Variants in PRPS1 observed in about 807,000 individuals in gnomAD.
PRPS1 encodes the protein ribose-phosphate pyrophosphokinase 1.
In PRPS1, 1 loss-of-function variant was observed where a neutral mutation model predicts 16.9. The observed-to-expected ratio is 0.06, with a 90% CI of 0.02 to 0.28. The LOEUF (loss-of-function observed/expected upper bound fraction) is 0.28, where lower values mean the gene tolerates loss of function less well. Among genes scored for constraint, PRPS1 ranks in the 10% least tolerant of loss-of-function variants. The pLI is 1.00. For missense variants in PRPS1, 47 were observed against 254.0 expected, an observed-to-expected ratio of 0.19 and a Z score of 5.54; for synonymous variants, 70 against 90.2, an observed-to-expected ratio of 0.78 and a Z score of 1.27.
rs774581026 is a variant in PRPS1 at position 107,641,290 on chromosome X, CT to C, written c.405+295del. 5.4e-5 allele frequency among the ~76,000 whole-genome samples: 6 copies of C among 111,974 alleles called. No homozygotes were observed. In the South Asian group the frequency reaches 1.8e-3, roughly 34 times the overall value. On this transcript the variant is annotated intron_variant, in intron 3 of 6. Coordinates refer to ENST00000372435, the MANE Select transcript of PRPS1 (RefSeq NM_002764.4). ...GTTACTTAATTTCTCTGAACATATA[CT>C]TTTTCATTATTGTGAGTATAAAACA...
intron 5 of PRPS1, 136 bp from the exon 6 acceptor site, chrX:107,647,470 T>C (rs767164950): frequency 6.3e-5 from 45 of 717,638 alleles, no homozygotes; most frequent in Non-Finnish European, 7.9e-5. Flanking sequence ...CTGTGCCTTA[T>C]AATATTTTTT....
Position 107,641,087 on chromosome X carries a change from G to A in PRPS1, c.405+87G>A. The A allele has an allele frequency of 2.5e-6, 3 of 1,207,637 alleles. No individual in the cohort carries two copies. In the East Asian group the frequency reaches 8.9e-5, roughly 36 times the overall value. ...AGACTGCAGAGAAGCCAAAAATTAT[G>A]CCCAAGTACATCTGAAATAAACTAG... On this transcript the variant is annotated intron_variant, in intron 3 of 6. Transcript: ENST00000372435.
chrX:107,642,514 C>T (rs775344370), intron 4 of PRPS1, 24 bp downstream of exon 4: 1 of 1,208,458 alleles, frequency 8.3e-7, no homozygotes, highest in East Asian at 3.0e-5. Flanking sequence ...TAGTATTGTT[C>T]CCAATGTACT....
rs1925815824 is a variant in PRPS1, at chrX:107,650,932, A to T, written c.*900A>T. ...ATTTTCATCTTCCTTCTTTGGATCT[A>T]TTTGGCCTCTCAAATGAACTGAGAT... is the stretch of plus-strand genomic sequence containing the variant. On this transcript the variant is annotated 3_prime_UTR_variant, in exon 7 of 7. Coordinates refer to ENST00000372435, the MANE Select transcript of PRPS1 (RefSeq NM_002764.4). 4.0e-6 allele frequency: 1 copy of T among 247,535 alleles called. No homozygotes were observed. Among genetic ancestry groups the T allele is most frequent in the African/African-American group, 2.8e-5 (1 of 35,208 alleles). The allele number at this position is 247,535 out of a possible 1,213,427, so 20.4% of individuals were successfully genotyped here.
chrX:107,649,757 C>CGTAA (rs1925788994), intron 6 of PRPS1, among the ~76,000 whole-genome samples, 183 bp from the exon 7 acceptor site: 1 of 112,472 alleles, frequency 8.9e-6, no homozygotes. Flanking sequence ...CGTGCCCAGC[C>CGTAA]GTAAGTGGCT....
intron 1 of PRPS1, among the ~76,000 whole-genome samples, chrX:107,637,289 C>T (rs1458149335): frequency 9.0e-6 from 1 of 110,955 alleles, no homozygotes; most frequent in African/African-American, 3.3e-5. Context: ...ACAGTTAACA[C>T]AGAATGAGGG....
intron 1 of PRPS1, among the ~76,000 whole-genome samples, chrX:107,632,625 A>G (rs1317239875): frequency 8.9e-6 from 1 of 112,793 alleles, no homozygotes; most frequent in Non-Finnish European, 1.9e-5. Context: ...AGAACACTCC[A>G]TTAACTAGAG....
chrX:107,646,816 T>G (rs971133576), intron 5 of PRPS1, among the ~76,000 whole-genome samples: 49 of 112,412 alleles, frequency 4.4e-4, no homozygotes, highest in African/African-American at 1.5e-3. Context: ...AGATTTTTGT[T>G]AAGTCCAACC....
chrX:107,630,477 T>C (rs1437887056), intron 1 of PRPS1, among the ~76,000 whole-genome samples: 4 of 112,083 alleles, frequency 3.6e-5, no homozygotes. Context: ...AAGTCCAACA[T>C]GGATAATTGC....
Position 107,647,775 on chromosome X carries a change from A to G in PRPS1, c.864+10A>G, listed in dbSNP as rs200767443. 7.6e-5 allele frequency: 92 copies of G among 1,208,553 alleles called. No individual in the cohort carries two copies. The highest frequency in any genetic ancestry group is 8.9e-5 in the Non-Finnish European group (80 of 893,941). On this transcript the variant is annotated intron_variant, in intron 6 of 6. Transcript: ENST00000372435. ...TTGCTCCAAAATACAGGTGAGGATG[A>G]GATTTGTGCAAAACAAGACTTTTCT...
At chrX:107,630,556 T>C (rs1382429360) in intron 1 of PRPS1, among the ~76,000 whole-genome samples, 4 of 111,997 alleles carry the variant, frequency 3.6e-5, no homozygotes, top group Non-Finnish European at 7.5e-5. Flanking sequence ...TCTGAAATCT[T>C]CATTGAACAT....
Position 107,640,890 on chromosome X carries a change from C to A in PRPS1, c.307-12C>A, listed in dbSNP as rs2147682355. On this transcript the variant is annotated splice_polypyrimidine_tract_variant and intron_variant, in intron 2 of 6. Transcript: ENST00000372435. ...TTTTTGGTTTTTCTTTTCTTTCCTC[C>A]CCTCCATTTAGAGCCGGGCGCCAAT... The A allele has an allele frequency of 1.7e-6, 2 of 1,209,578 alleles. No homozygotes were observed. The highest frequency in any genetic ancestry group is 3.0e-5 in the East Asian group (1 of 33,833).
chrX:107,636,952 A>C (rs192530289), intron 1 of PRPS1, among the ~76,000 whole-genome samples: 5 of 111,501 alleles, frequency 4.5e-5, no homozygotes, highest in African/African-American at 1.6e-4. Flanking sequence ...TAATAACTCT[A>C]TTGCCTTTTG....
intron 6 of PRPS1, among the ~76,000 whole-genome samples, chrX:107,649,323 G>GT (rs1569439636): frequency 8.9e-6 from 1 of 112,539 alleles, no homozygotes; most frequent in Non-Finnish European, 1.9e-5. Context: ...CTGGGCTCAA[G>GT]TGATCCTCCC....
chrX:107,650,245 T>TTGA lies in PRPS1; in HGVS notation c.*215_*217dup. 3 of 665,516 alleles carry TTGA rather than the reference T, an allele frequency of 4.5e-6. No individual in the cohort carries two copies. The highest frequency in any genetic ancestry group is 2.2e-5 in the African/African-American group (1 of 45,525). 54.8% of individuals were successfully genotyped at this position (665,516 alleles called of 1,213,427 possible). A position where few individuals can be genotyped will look rare whatever the true frequency, so the allele number is the denominator to read the frequency against. On this transcript the variant is annotated 3_prime_UTR_variant, in exon 7 of 7. Transcript: ENST00000372435. Reference sequence around the variant, plus strand: ...CCTGCATTATCTCATTCTGGCTTCCTTGATAATTCTGTGGGCCTTGCAGCT... The same window carrying TTGA: ...CCTGCATTATCTCATTCTGGCTTCCTTGATGATAATTCTGTGGGCCTTGCAGCT...
In PRPS1 at chrX:107,628,739, C is replaced by T. The variant is rs1327637315; in HGVS notation, c.111C>T (p.Asn37=). 1.7e-6 allele frequency: 2 copies of T among 1,209,072 alleles called. No individual in the cohort carries two copies. Among genetic ancestry groups the T allele is most frequent in the East Asian group, 3.0e-5 (1 of 33,722 alleles). ...LGKVVTKKFS[N]QETCVEIGES... ...AGGTGGTGACTAAGAAATTCAGCAA[C>T]CAGGAGACCTGGTAAGGACCAAGTT... Residue 37 remains asparagine, a synonymous_variant, in exon 1 of 7, where the codon AAC becomes AAT. Coordinates refer to ENST00000372435, the MANE Select transcript of PRPS1 (RefSeq NM_002764.4).
intron 2 of PRPS1, among the ~76,000 whole-genome samples, chrX:107,640,344 C>CAAAAA (rs759522021): frequency 4.1e-5 from 1 of 24,676 alleles, no homozygotes; most frequent in African/African-American, 1.1e-4. Flanking sequence ...TCTGTCTCTA[C>CAAAAA]AAAAAAAAAA....
At chrX:107,633,396 TGGGCAACAGAGCGA>T (rs1319002715) in intron 1 of PRPS1, among the ~76,000 whole-genome samples, 6 of 88,516 alleles carry the variant, frequency 6.8e-5, no homozygotes, top group African/African-American at 1.9e-4. Context: ...CACTCCAGCC[TGGGCAACAGAGCGA>T]GACTCCATCT....
intron 6 of PRPS1, 120 bp downstream of exon 6, chrX:107,647,885 GT>G (rs2147686179): frequency 1.2e-6 from 1 of 823,591 alleles, no homozygotes; most frequent in African/African-American, 2.1e-5. Flanking sequence ...ATTTAGTCTT[GT>G]CATCAGAATT....
Sources: gnomAD v4.1 joint callset for allele counts (sites outside exome capture counted in the v4.1 genomes callset) on GRCh38, gnomAD v4.1.1 for gene constraint, MANE v1.5 for transcripts, NCBI Gene and HGNC (gene_info 2026-07-23, HGNC 2026-07-21) for gene names.